The following AKAP6 variants were observed in gnomAD, a reference collection of about 807,000 sequenced individuals.
The protein encoded by AKAP6 is A-kinase anchor protein 6.
AKAP6 carries 58 observed loss-of-function variants against 188.5 expected under a neutral mutation model. That is an observed-to-expected ratio of 0.31 (90% confidence interval 0.25 to 0.38). AKAP6 has a LOEUF of 0.38. Ranked by LOEUF, AKAP6 falls within the 10% of genes least tolerant of loss-of-function variation. AKAP6 has a pLI of 1.00. For synonymous variants in AKAP6, 989 were observed against 998.6 expected, an observed-to-expected ratio of 0.99 and a Z score of 0.18; for missense variants, 2,710 against 2,740.0, an observed-to-expected ratio of 0.99 and a Z score of 0.24.
intron 2 of AKAP6, among the ~76,000 whole-genome samples, chr14:32,487,487 C>A (rs1049693489): frequency 5.9e-5 from 9 of 152,194 alleles, no homozygotes; most frequent in African/African-American, 1.7e-4. Flanking sequence ...GGGTTAGAAC[C>A]TGCTCCTTTA....
chr14:32,642,158 A>G (rs1252758477), intron 7 of AKAP6, among the ~76,000 whole-genome samples: 1 of 152,186 alleles, frequency 6.6e-6, no homozygotes, highest in African/African-American at 2.4e-5. Context: ...CTTCAGTGCT[A>G]TCTTGTTATT....
chr14:32,806,826 A>T lies in AKAP6; in HGVS notation c.3589-14576A>T, dbSNP rs1220886062. Among the ~76,000 whole-genome samples the T allele has an allele frequency of 3.9e-5, 6 of 152,358 alleles. No homozygotes were observed. In the East Asian group the frequency reaches 1.2e-3, roughly 29 times the overall value. On this transcript the variant is annotated intron_variant, in intron 12 of 13. Transcript: ENST00000280979. ...AGCAGAGAAATCTTTAAAGGAGTTT[A>T]AGATTGAATTTTGAGAGATTGGGGT...
intron 1 of AKAP6, among the ~76,000 whole-genome samples, chr14:32,369,480 A>G (rs1216286212): frequency 6.6e-6 from 1 of 152,270 alleles, no homozygotes; most frequent in African/African-American, 2.4e-5. Flanking sequence ...TTAATTTGGC[A>G]AACTTGTTAA....
chr14:32,412,795 A>G (rs1889529732), intron 1 of AKAP6, among the ~76,000 whole-genome samples: 1 of 152,162 alleles, frequency 6.6e-6, no homozygotes, highest in Admixed American at 6.5e-5. Flanking sequence ...TCAATAACAC[A>G]CACCACGGAT....
chr14:32,593,111 A>T (rs1476248041), intron 5 of AKAP6, among the ~76,000 whole-genome samples: 1 of 151,630 alleles, frequency 6.6e-6, no homozygotes, highest in African/African-American at 2.4e-5. Flanking sequence ...GTTTATAGCC[A>T]TATCCTTCAA....
At chr14:32,692,536 C>T (rs566513082) in intron 8 of AKAP6, among the ~76,000 whole-genome samples, 7 of 152,218 alleles carry the variant, frequency 4.6e-5, no homozygotes, top group East Asian at 3.9e-4. Flanking sequence ...CAAAATCTCA[C>T]GTAAAGAATG....
rs2140169393 is a variant in AKAP6 at position 32,829,900 on chromosome 14, C to T, written c.*95C>T. ...CCTCATCCTCCCGCCCTGGGCTGGC[C>T]TCTGGTTCCATCACGTTTGTCACTG... On this transcript the variant is annotated 3_prime_UTR_variant, in exon 14 of 14. Coordinates refer to ENST00000280979, the MANE Select transcript of AKAP6 (RefSeq NM_004274.5). 4.3e-6 allele frequency: 3 copies of T among 702,748 alleles called. No individual in the cohort carries two copies. The highest frequency in any genetic ancestry group is 4.6e-4 in the Middle Eastern group (2 of 4,364). 43.5% of individuals were successfully genotyped at this position (702,748 alleles called of 1,614,324 possible). A position where few individuals can be genotyped will look rare whatever the true frequency, so the allele number is the denominator to read the frequency against.
At position 32,713,602 on chromosome 14, in the gene AKAP6, G is replaced by T. The variant is rs141553082; in HGVS notation, c.3000+17492G>T. 1.9e-3 allele frequency among the ~76,000 whole-genome samples: 289 copies of T among 152,084 alleles called. 2 individuals are homozygous for T. Among genetic ancestry groups the T allele is most frequent in the East Asian group, 4.5e-3 (23 of 5,168 alleles). On this transcript the variant is annotated intron_variant, in intron 9 of 13. Transcript: ENST00000280979. ...CCATCAGCACTTGCTGCTTCACCTT[G>T]CACTTTTATGTTATGGAGATGGTGT... is the stretch of plus-strand genomic sequence containing the variant.
chr14:32,433,679 T>C lies in AKAP6; in HGVS notation c.186T>C (p.Ala62=), dbSNP rs754716656. 1.2e-6 allele frequency: 2 copies of C among 1,614,194 alleles called. No homozygotes were observed. Among genetic ancestry groups the C allele is most frequent in the Admixed American group, 1.7e-5 (1 of 60,018 alleles). ...AGCCACCCCCACTACACACAGGGGC[T>C]GACTGGAAGATTGTCCTCCACTTAC... ...YEKPPPLHTG[A]DWKIVLHLPE... The change falls in exon 2 of 14, where the codon GCT becomes GCC. Residue 62 remains alanine, a synonymous_variant. Transcript: ENST00000280979.
chr14:32,533,592 C>G (rs1882531166), intron 2 of AKAP6, among the ~76,000 whole-genome samples: 2 of 152,248 alleles, frequency 1.3e-5, no homozygotes, highest in Admixed American at 1.3e-4. Flanking sequence ...TGGAAGAACT[C>G]AGCCGTGGGA....
intron 9 of AKAP6, chr14:32,726,295 A>G (rs557745713): frequency 1.3e-6 from 1 of 785,446 alleles, no homozygotes; most frequent in South Asian, 5.8e-5. Context: ...TTTGCTCAAC[A>G]TGAAAGTACC....
chr14:32,772,344 T>C (rs1278768502), intron 11 of AKAP6, among the ~76,000 whole-genome samples: 5 of 152,146 alleles, frequency 3.3e-5, no homozygotes, highest in Non-Finnish European at 7.4e-5. Context: ...TAAGGATAAG[T>C]TCAAGAAACA....
At chr14:32,717,969 T>G (rs1484133215) in intron 9 of AKAP6, among the ~76,000 whole-genome samples, 3 of 152,130 alleles carry the variant, frequency 2.0e-5, no homozygotes, top group African/African-American at 4.8e-5. Flanking sequence ...TAAGTATGTG[T>G]TGGCCACTCC....
intron 1 of AKAP6, among the ~76,000 whole-genome samples, chr14:32,341,402 A>G (rs924978356): frequency 1.2e-4 from 18 of 152,218 alleles, no homozygotes; most frequent in Non-Finnish European, 2.1e-4. Context: ...CCAAATATTA[A>G]CAGTTTCATG....
chr14:32,487,444 A>G (rs1490448269), intron 2 of AKAP6, among the ~76,000 whole-genome samples: 1 of 152,162 alleles, frequency 6.6e-6, no homozygotes, highest in Non-Finnish European at 1.5e-5. Context: ...AGTTCCTGTA[A>G]GCTTTTATCA....
At chr14:32,459,747 T>C (rs1891262373) in intron 2 of AKAP6, among the ~76,000 whole-genome samples, 2 of 151,588 alleles carry the variant, frequency 1.3e-5, no homozygotes, top group Admixed American at 1.3e-4. Context: ...ACTGATTTTT[T>C]TTTTTCAGAA....
intron 2 of AKAP6, among the ~76,000 whole-genome samples, chr14:32,514,108 CT>C (rs1193660568): frequency 6.6e-6 from 1 of 152,126 alleles, no homozygotes; most frequent in Non-Finnish European, 1.5e-5. Context: ...GGTAATGGAG[CT>C]TTCCAAAGGT....
intron 4 of AKAP6, among the ~76,000 whole-genome samples, chr14:32,559,610 A>G (rs11847044): frequency 0.49 from 74,129 of 151,718 alleles, 19,069 homozygotes; most frequent in African/African-American, 0.65. Context: ...TCTAGCAGTA[A>G]TTTTCAACTG....
intron 2 of AKAP6, among the ~76,000 whole-genome samples, chr14:32,454,119 C>T (rs983344233): frequency 6.6e-6 from 1 of 152,170 alleles, no homozygotes; most frequent in African/African-American, 2.4e-5. Context: ...GCCTGCAAAA[C>T]AAACCAGATG....
Sources: gnomAD v4.1 joint callset for allele counts (sites outside exome capture counted in the v4.1 genomes callset) on GRCh38, gnomAD v4.1.1 for gene constraint, MANE v1.5 for transcripts, NCBI Gene and HGNC (gene_info 2026-07-23, HGNC 2026-07-21) for gene names.